The following PEX14 variants were observed in gnomAD, a reference collection of about 807,000 sequenced individuals.
The protein encoded by PEX14 is peroxisomal biogenesis factor 14.
PEX14 carries 15 observed loss-of-function variants against 49.5 expected under a neutral mutation model. The ratio of observed to expected loss-of-function variants is 0.30; its 90% CI spans 0.20 to 0.47. The LOEUF (loss-of-function observed/expected upper bound fraction) is 0.47, where lower values mean the gene tolerates loss of function less well. PEX14 is among the 20% of genes least tolerant of loss of function. The pLI is 1.00. For missense variants in PEX14, 398 were observed against 494.8 expected (o/e 0.80, Z 1.86); for synonymous variants, 210 against 212.7 (o/e 0.99, Z 0.11).
chr1:10,491,206 T>TA (rs1288816929), intron 1 of PEX14, among the ~76,000 whole-genome samples: 1 of 151,150 alleles, frequency 6.6e-6, no homozygotes, highest in Non-Finnish European at 1.5e-5. Flanking sequence ...TGGAAGATTT[T>TA]AAAAAAATGT....
At chr1:10,477,570 T>G (rs1641217392) in intron 1 of PEX14, among the ~76,000 whole-genome samples, 1 of 152,158 alleles carries the variant, frequency 6.6e-6, no homozygotes, top group African/African-American at 2.4e-5. Context: ...TTGTGTAGGG[T>G]TAGAACTGTG....
intron 3 of PEX14, among the ~76,000 whole-genome samples, chr1:10,590,832 T>A (rs1304316163): frequency 6.6e-6 from 1 of 152,380 alleles, no homozygotes; most frequent in Middle Eastern, 3.4e-3. Flanking sequence ...GAACATCTGA[T>A]GCCTGCATGG....
intron 7 of PEX14, among the ~76,000 whole-genome samples, chr1:10,624,692 A>G (rs903676990): frequency 6.6e-6 from 1 of 152,202 alleles, no homozygotes; most frequent in Non-Finnish European, 1.5e-5. Flanking sequence ...AGGAGGAAGG[A>G]AAAGCTACCC....
rs146415755 is a variant in PEX14 at position 10,571,307 on chromosome 1, G to A, written c.170-27931G>A. Among the ~76,000 whole-genome samples, 612 of 142,882 alleles carry A rather than the reference G, an allele frequency of 4.3e-3. 5 individuals carry two copies. The highest frequency in any genetic ancestry group is 0.016 in the African/African-American group (595 of 37,912). 93.7% of individuals were successfully genotyped at this position (142,882 alleles called of 152,430 possible). On this transcript the variant is annotated intron_variant, in intron 3 of 8. Coordinates refer to ENST00000356607, the MANE Select transcript of PEX14 (RefSeq NM_004565.3). ...ATGTGTGTTACTTTTCACTTCTGGT[G>A]CCTTTAAGCTTTTCTGTATTAAAAA...
At chr1:10,567,888 C>T (rs917842296) in intron 3 of PEX14, among the ~76,000 whole-genome samples, 13 of 152,194 alleles carry the variant, frequency 8.5e-5, no homozygotes, top group Non-Finnish European at 1.6e-4. Flanking sequence ...GCCTCAGCAT[C>T]ACGAAGTATG....
intron 3 of PEX14, among the ~76,000 whole-genome samples, chr1:10,583,574 T>G (rs1022615245): frequency 1.3e-5 from 2 of 151,924 alleles, no homozygotes; most frequent in African/African-American, 4.8e-5. Flanking sequence ...CCTAGGTGTT[T>G]TAGGTACTAG....
chr1:10,520,837 C>T (rs910896540), intron 2 of PEX14, among the ~76,000 whole-genome samples: 16 of 152,178 alleles, frequency 1.1e-4, no homozygotes, highest in African/African-American at 3.4e-4. Context: ...TACAGGGCAG[C>T]GTTAAATGAA....
At chr1:10,501,182 G>A (rs975188890) in intron 2 of PEX14, among the ~76,000 whole-genome samples, 1 of 152,224 alleles carries the variant, frequency 6.6e-6, no homozygotes. Context: ...AGTTAGGTTT[G>A]CTGAAACTAG....
At chr1:10,581,390 T>C (rs972616254) in intron 3 of PEX14, among the ~76,000 whole-genome samples, 2 of 147,150 alleles carry the variant, frequency 1.4e-5, no homozygotes, top group African/African-American at 2.6e-5. Context: ...CACTGCAACC[T>C]GTGTCTCCTG....
Position 10,475,738 on chromosome 1 carries a change from A to G in PEX14, c.36+736A>G, listed in dbSNP as rs1040993725. Among the ~76,000 whole-genome samples the G allele has an allele frequency of 3.3e-5, 5 of 152,156 alleles. No individual in the cohort carries two copies. The South Asian group carries it at 6.2e-4, about 19-fold the overall frequency. ...CTGCGGCCGGGAGGCAGTGGATGATAAGGTCTCCGAAGGGGTTTATAGTCC... is the reference window on the plus strand; with the variant it reads ...CTGCGGCCGGGAGGCAGTGGATGATGAGGTCTCCGAAGGGGTTTATAGTCC... On this transcript the variant is annotated intron_variant, in intron 1 of 8. Transcript: ENST00000356607.
intron 2 of PEX14, among the ~76,000 whole-genome samples, chr1:10,534,061 C>T (rs1227251164): frequency 6.6e-6 from 1 of 152,180 alleles, no homozygotes; most frequent in African/African-American, 2.4e-5. Context: ...TGAAGGAAAG[C>T]TTTCTGTTTC....
At chr1:10,538,000 A>T (rs889505652) in intron 3 of PEX14, among the ~76,000 whole-genome samples, 2 of 152,234 alleles carry the variant, frequency 1.3e-5, no homozygotes, top group Non-Finnish European at 2.9e-5. Flanking sequence ...TTCATCCAAG[A>T]GTCATTGTGC....
At chr1:10,596,176 T>C (rs1024264451) in intron 3 of PEX14, among the ~76,000 whole-genome samples, 1 of 152,202 alleles carries the variant, frequency 6.6e-6, no homozygotes, top group African/African-American at 2.4e-5. Flanking sequence ...AAGTTCCAAA[T>C]GAATCACCTG....
At chr1:10,549,310 C>T (rs1246879512) in intron 3 of PEX14, among the ~76,000 whole-genome samples, 1 of 152,132 alleles carries the variant, frequency 6.6e-6, no homozygotes, top group Non-Finnish European at 1.5e-5. Flanking sequence ...AGAACAAAGC[C>T]ATACTCTCCC....
intron 2 of PEX14, among the ~76,000 whole-genome samples, chr1:10,533,708 G>GTGT (rs1638715005): frequency 6.6e-6 from 1 of 152,100 alleles, no homozygotes; most frequent in South Asian, 2.1e-4. Context: ...CCCACCACAG[G>GTGT]TGTAATAACT....
At position 10,495,099 on chromosome 1, in the gene PEX14, T is replaced by C. The variant is rs1641535305; in HGVS notation, c.37-175T>C. ...ATCTTCCCTGGTGAATTCAGACTCT[T>C]TGGGCTACTTTTTACAGGTAGTCCA... On this transcript the variant is annotated intron_variant, in intron 1 of 8. Transcript: ENST00000356607. The surrounding 1 kb of genome is among the most constrained non-coding windows in gnomAD (Gnocchi z 4.2). 2 of 984,774 alleles carry C rather than the reference T, an allele frequency of 2.0e-6. No homozygotes were observed. The highest frequency in any genetic ancestry group is 6.2e-5 in the Admixed American group (1 of 16,246). The allele number at this position is 984,774 out of a possible 1,614,324, so 61.0% of individuals were successfully genotyped here.
chr1:10,545,305 A>C (rs1050702146), intron 3 of PEX14, among the ~76,000 whole-genome samples: 1 of 152,292 alleles, frequency 6.6e-6, no homozygotes, highest in African/African-American at 2.4e-5. Flanking sequence ...AATATTTATA[A>C]GTTTTTGTAG....
intron 3 of PEX14, among the ~76,000 whole-genome samples, chr1:10,564,772 G>A (rs1639754385): frequency 6.6e-6 from 1 of 151,252 alleles, no homozygotes; most frequent in African/African-American, 2.4e-5. Context: ...AAACTTCTCT[G>A]TTTTGTCACC....
In PEX14 at chr1:10,494,633, G is replaced by C. The variant is rs1031330085; in HGVS notation, c.37-641G>C. Among the ~76,000 whole-genome samples, 2 of 152,210 alleles carry C rather than the reference G, an allele frequency of 1.3e-5. No homozygotes were observed. Among genetic ancestry groups the C allele is most frequent in the Admixed American group, 1.3e-4 (2 of 15,272 alleles). On this transcript the variant is annotated intron_variant, in intron 1 of 8. Coordinates refer to ENST00000356607, the MANE Select transcript of PEX14 (RefSeq NM_004565.3). This position sits in a 1 kb window ranked among gnomAD's most constrained non-coding sequence, Gnocchi z 4.3. ...GGCCACAGTGCTGCCTGCTCGCCTG[G>C]AGGTTGGTCTGCTTATATGCCAGCC...
Sources: allele counts gnomAD v4.1 joint callset (sites outside exome capture counted in the v4.1 genomes callset), GRCh38; gene constraint gnomAD v4.1.1; non-coding constraint Gnocchi (gnomAD v3.1); transcripts MANE v1.5; gene names NCBI Gene and HGNC (gene_info 2026-07-23, HGNC 2026-07-21).